The following BUD23 variants were observed in gnomAD, a reference collection of about 807,000 sequenced individuals.
BUD23 encodes BUD23 rRNA methyltransferase and ribosome maturation factor.
In BUD23, 34 loss-of-function variants were observed where a neutral mutation model predicts 47.0. The ratio of observed to expected loss-of-function variants is 0.72; its 90% CI spans 0.55 to 0.96. The LOEUF is 0.96. Ranked by LOEUF, BUD23 falls within the 40% of genes least tolerant of loss-of-function variation. The pLI is 0.00. For missense variants in BUD23, 343 were observed against 361.2 expected (o/e 0.95, Z 0.41); for synonymous variants, 124 against 132.0 (o/e 0.94, Z 0.41).
At chr7:73,685,424 C>G (rs1360667595) in intron 2 of BUD23, among the ~76,000 whole-genome samples, 2 of 152,246 alleles carry the variant, frequency 1.3e-5, no homozygotes, top group African/African-American at 4.8e-5. Context: ...TAGAGGCACT[C>G]GCCACCACAC....
chr7:73,686,606 C>T (rs1797979486), intron 2 of BUD23, 30 bp from the exon 3 acceptor site: 2 of 1,605,254 alleles, frequency 1.2e-6, no homozygotes, highest in Non-Finnish European at 1.7e-6. Flanking sequence ...AACTCCTTTA[C>T]CATGTCCACT....
At chr7:73,694,558 CT>C (rs1798323232) in intron 10 of BUD23, 1 of 153,028 alleles carries the variant, frequency 6.5e-6, no homozygotes, top group Non-Finnish European at 1.5e-5. Flanking sequence ...TCTTCTTCCC[CT>C]CCCACCATTC....
At chr7:73,687,839 C>G (rs1798035623) in intron 5 of BUD23, among the ~76,000 whole-genome samples, 1 of 151,878 alleles carries the variant, frequency 6.6e-6, no homozygotes, top group Non-Finnish European at 1.5e-5. Flanking sequence ...GATTCTAAAA[C>G]TTTGCAGTCT....
In BUD23 at chr7:73,697,338, C is replaced by T. The variant is rs1798445934; in HGVS notation, c.702-267C>T. The T allele has an allele frequency of 2.7e-6, 3 of 1,120,536 alleles. No homozygotes were observed. In the South Asian group the frequency reaches 4.5e-5, roughly 17 times the overall value. 69.4% of individuals were successfully genotyped at this position (1,120,536 alleles called of 1,614,324 possible). A position where few individuals can be genotyped will look rare whatever the true frequency, so the allele number is the denominator to read the frequency against. ...AGCTGCTTCCCGAAGAGGGAACAGA[C>T]TGCTCGCTGGTGTTTAGGTCTCCAT... is the stretch of plus-strand genomic sequence containing the variant. On this transcript the variant is annotated intron_variant, in intron 10 of 11. Transcript: ENST00000265758.
At chr7:73,684,133 G>C in intron 2 of BUD23, 1 of 602,498 alleles carries the variant, frequency 1.7e-6, no homozygotes. Flanking sequence ...GGGGAAGGAA[G>C]TAATGGCCGT....
At position 73,694,030 on chromosome 7, in the gene BUD23, G is replaced by A. The variant is rs782480348; in HGVS notation, c.681G>A (p.Glu227=). 1.6e-5 allele frequency: 25 copies of A among 1,611,330 alleles called. No individual in the cohort carries two copies. In the South Asian group the frequency reaches 2.0e-4, roughly 13 times the overall value. The change falls in exon 10 of 12, where the codon GAG becomes GAA. Residue 227 remains glutamate, a synonymous_variant. Transcript: ENST00000265758. ...ATCAGGATGAAGTTGAACCCAGGGA[G>A]TCTGTGTTCACCAATGAGAGGTAAA... ...SENQDEVEPR[E]SVFTNERFPL...
At chr7:73,687,152 C>A in intron 5 of BUD23, 57 bp downstream of exon 5, 1 of 1,569,954 alleles carries the variant, frequency 6.4e-7, no homozygotes, top group Non-Finnish European at 8.7e-7. Flanking sequence ...CACTCTATCA[C>A]TTAGGCTCTA....
chr7:73,686,610 G>C (rs375122848), intron 2 of BUD23, 26 bp from the exon 3 acceptor site: 1 of 1,609,160 alleles, frequency 6.2e-7, no homozygotes. Flanking sequence ...CCTTTACCAT[G>C]TCCACTTGTG....
At chr7:73,684,798 T>TC (rs1171208172) in intron 2 of BUD23, among the ~76,000 whole-genome samples, 2 of 149,802 alleles carry the variant, frequency 1.3e-5, no homozygotes, top group Non-Finnish European at 3.0e-5. Flanking sequence ...ATGGCGGGTT[T>TC]CTGTAACCCC....
chr7:73,684,984 C>T (rs1341095139), intron 2 of BUD23, among the ~76,000 whole-genome samples: 1 of 137,514 alleles, frequency 7.3e-6, no homozygotes, highest in South Asian at 2.5e-4. Flanking sequence ...TTTCCGTGCT[C>T]TCTCACTGAG....
At chr7:73,692,463 A>G (rs782025166) in intron 6 of BUD23, 133 bp from the exon 7 acceptor site, 9 of 775,532 alleles carry the variant, frequency 1.2e-5, no homozygotes, top group Non-Finnish European at 1.8e-5. Flanking sequence ...TGTTCATACT[A>G]TCCCCAGCCC....
At chr7:73,694,187 G>C in intron 10 of BUD23, 137 bp downstream of exon 10, 2 of 917,708 alleles carry the variant, frequency 2.2e-6, no homozygotes, top group South Asian at 3.6e-5. Context: ...AGAAACATCA[G>C]GTCCCATTTG....
chr7:73,684,602 T>TG (rs1797868042), intron 2 of BUD23, among the ~76,000 whole-genome samples: 3 of 40,928 alleles, frequency 7.3e-5, no homozygotes, highest in African/African-American at 7.5e-5. Context: ...CCTCGAGTCG[T>TG]TAAAAAAAAA....
At position 73,697,463 on chromosome 7, in the gene BUD23, T is replaced by C. The variant is rs1367699969; in HGVS notation, c.702-142T>C. 1.2e-5 allele frequency: 18 copies of C among 1,544,608 alleles called. 1 individual carries two copies. Among genetic ancestry groups the C allele is most frequent in the African/African-American group, 5.5e-5 (4 of 73,190 alleles). ...GTGTCCAGAGCGGGGAATTGTGTTA[T>C]AGGGAAGGTGGAGCATTTGAGAGAA... is the stretch of plus-strand genomic sequence containing the variant. On this transcript the variant is annotated intron_variant, in intron 10 of 11. Coordinates refer to ENST00000265758, the MANE Select transcript of BUD23 (RefSeq NM_017528.5).
intron 5 of BUD23, among the ~76,000 whole-genome samples, chr7:73,689,609 TTC>T (rs1554613689): frequency 6.6e-6 from 1 of 152,016 alleles, no homozygotes; most frequent in African/African-American, 2.4e-5. Context: ...AGGAGAGGGT[TTC>T]TGAGTGAGGG....
At chr7:73,691,685 G>A (rs1007593156) in intron 6 of BUD23, among the ~76,000 whole-genome samples, 3 of 152,114 alleles carry the variant, frequency 2.0e-5, no homozygotes, top group African/African-American at 4.8e-5. Flanking sequence ...CTGCGCCCTC[G>A]AACTCCTGGG....
intron 6 of BUD23, among the ~76,000 whole-genome samples, chr7:73,691,504 C>G (rs1554614010): frequency 1.3e-5 from 2 of 152,104 alleles, no homozygotes; most frequent in African/African-American, 4.8e-5. Context: ...CAAAGAGAGC[C>G]TTTATTAGCT....
rs782319992 is a variant in BUD23 at position 73,697,685 on chromosome 7, G to A, written c.782G>A (p.Arg261His). The change falls in exon 11 of 12, where the codon CGC becomes CAC. Residue 261 changes from arginine (R) to histidine (H), a missense_variant. Arg to His is a conservative substitution (Grantham distance 29). Transcript: ENST00000265758. ...CTGGAGAAGAAGGAGCGGCACAGGC[G>A]CCAGGGCAGGTGAGTGCCAGCCTGG... is the stretch of plus-strand genomic sequence containing the variant. Reference protein sequence around the residue: ...WVLEKKERHRRQGREVRPDTQ... With the variant: ...WVLEKKERHRHQGREVRPDTQ... 91 of 1,613,272 alleles carry A rather than the reference G, an allele frequency of 5.6e-5. No individual in the cohort carries two copies. In the South Asian group the frequency reaches 6.4e-4, roughly 11 times the overall value.
In BUD23 at chr7:73,693,976, A is replaced by C. The variant is rs1451336214; in HGVS notation, c.643-16A>C. 1 of 1,612,170 alleles carries C rather than the reference A, an allele frequency of 6.2e-7. No individual in the cohort carries two copies. ...GAACTCTCCAGGGTGACCTGAGTGCACTTTGGTTCCTGCAGGGGCTGAGTG... is the reference window on the plus strand; with the variant it reads ...GAACTCTCCAGGGTGACCTGAGTGCCCTTTGGTTCCTGCAGGGGCTGAGTG... On this transcript the variant is annotated splice_polypyrimidine_tract_variant and intron_variant, in intron 9 of 11. Transcript: ENST00000265758.
Sources: allele counts gnomAD v4.1 joint callset (sites outside exome capture counted in the v4.1 genomes callset), GRCh38; gene constraint gnomAD v4.1.1; transcripts MANE v1.5; gene names NCBI Gene and HGNC (gene_info 2026-07-23, HGNC 2026-07-21).